XIRP2: variants seen among roughly 807,000 people sequenced by gnomAD.
XIRP2 encodes the protein xin actin-binding repeat-containing protein 2.
XIRP2 carries 236 observed loss-of-function variants against 277.0 expected under a neutral mutation model. The ratio of observed to expected loss-of-function variants is 0.85; its 90% CI spans 0.77 to 0.95. The LOEUF is 0.95. Among genes scored for constraint, XIRP2 ranks in the 40% least tolerant of loss-of-function variants. The probability of loss-of-function intolerance (pLI) is 0.00; values close to 1 mark genes in which losing one functional copy is unlikely to be tolerated. For missense variants in XIRP2, 4,640 were observed against 4,157.5 expected (o/e 1.12, Z -3.19); for synonymous variants, 1,490 against 1,416.5 (o/e 1.05, Z -1.17).
At position 167,245,197 on chromosome 2, in the gene XIRP2, G is replaced by A. The variant is rs1186750438; in HGVS notation, c.3805G>A (p.Gly1269Ser). The change falls in exon 9 of 11, where the codon GGT (glycine) becomes AGT (serine). Residue 1269 changes from glycine to serine, a missense_variant. Physicochemically the swap from Gly to Ser is moderately conservative, Grantham distance 56. Transcript: ENST00000409195. ...TGTTAAGACGGTGACAGACATACAA[G>A]GTGGGGATGTAAGAAAGGGGTGCTT... ...ECVKTVTDIQGGDVRKGCFIF... is the reference protein window; with the variant it reads ...ECVKTVTDIQSGDVRKGCFIF... The A allele has an allele frequency of 6.2e-7, 1 of 1,613,734 alleles. No homozygotes were observed. Among genetic ancestry groups the A allele is most frequent in the Non-Finnish European group, 8.5e-7 (1 of 1,179,742 alleles).
At chr2:167,085,802 T>C (rs1689923264) in intron 2 of XIRP2, among the ~76,000 whole-genome samples, 1 of 152,194 alleles carries the variant, frequency 6.6e-6, no homozygotes, top group Non-Finnish European at 1.5e-5. Context: ...TTGGTAGATC[T>C]TCCTCCATCC....
intron 3 of XIRP2, among the ~76,000 whole-genome samples, chr2:167,152,442 T>A (rs1178572685): frequency 6.6e-6 from 1 of 151,984 alleles, no homozygotes; most frequent in African/African-American, 2.4e-5. Context: ...GTTCAACAAT[T>A]CTTTGAGTCC....
intron 2 of XIRP2, among the ~76,000 whole-genome samples, chr2:166,948,616 C>A (rs1685945581): frequency 6.6e-6 from 1 of 151,990 alleles, no homozygotes; most frequent in South Asian, 2.1e-4. Flanking sequence ...TAAGCAGTTG[C>A]CTGTGTCTGT....
intron 2 of XIRP2, among the ~76,000 whole-genome samples, chr2:167,112,323 T>C (rs1017181818): frequency 6.6e-6 from 1 of 151,984 alleles, no homozygotes; most frequent in Non-Finnish European, 1.5e-5. Flanking sequence ...CTTAACACTT[T>C]CTTAGTTGTG....
intron 2 of XIRP2, among the ~76,000 whole-genome samples, chr2:166,951,876 G>T (rs1490968930): frequency 3.3e-5 from 5 of 152,054 alleles, no homozygotes; most frequent in Non-Finnish European, 7.4e-5. Flanking sequence ...CTATCCTATT[G>T]CCTGCTACTT....
At chr2:167,067,536 A>G (rs182256948) in intron 2 of XIRP2, among the ~76,000 whole-genome samples, 4 of 152,278 alleles carry the variant, frequency 2.6e-5, no homozygotes, top group African/African-American at 9.6e-5. Context: ...ACATAATTTG[A>G]TGGTTTCCCA....
chr2:167,130,290 C>T (rs1691336770), intron 2 of XIRP2, among the ~76,000 whole-genome samples: 1 of 152,158 alleles, frequency 6.6e-6, no homozygotes, highest in East Asian at 1.9e-4. Context: ...CCACCAACCA[C>T]CAACCATCAT....
At chr2:167,123,095 C>T (rs925763705) in intron 2 of XIRP2, among the ~76,000 whole-genome samples, 1 of 152,052 alleles carries the variant, frequency 6.6e-6, no homozygotes, top group African/African-American at 2.4e-5. Flanking sequence ...TCATTTTGAT[C>T]GGGGATTATA....
Position 167,243,547 on chromosome 2 carries a change from A to C in XIRP2, c.2155A>C (p.Arg719=), listed in dbSNP as rs768245433. ...GGATGAGGTTCATTTACTGCAGCTT[A>C]GGTCTGAGCTCAAAGAAATTAAGGG... is the stretch of plus-strand genomic sequence containing the variant. The part of the protein sequence containing the change: ...SVDEVHLLQL[R]SELKEIKGNV... The change falls in exon 9 of 11, where the codon AGG becomes CGG. Residue 719 remains arginine, a synonymous_variant. Coordinates refer to ENST00000409195, the MANE Select transcript of XIRP2 (RefSeq NM_152381.6). 3 of 1,614,026 alleles carry C rather than the reference A, an allele frequency of 1.9e-6. No homozygotes were observed. In the South Asian group the frequency reaches 3.3e-5, roughly 18 times the overall value.
At chr2:166,933,423 A>G (rs6721945) in intron 2 of XIRP2, among the ~76,000 whole-genome samples, 33,609 of 151,982 alleles carry the variant, frequency 0.22, 4,479 homozygotes, top group Non-Finnish European at 0.3. Context: ...TGCTGGGATT[A>G]TAGGCATGAG....
chr2:166,975,337 G>A (rs74573838), intron 2 of XIRP2, among the ~76,000 whole-genome samples: 4,579 of 152,144 alleles, frequency 0.03, 98 homozygotes, highest in East Asian at 0.079. Flanking sequence ...AAACAAGTAC[G>A]GAATAATCAT....
At chr2:166,907,581 G>C (rs897944405) in intron 2 of XIRP2, among the ~76,000 whole-genome samples, 2 of 151,708 alleles carry the variant, frequency 1.3e-5, no homozygotes. Flanking sequence ...TCCTCAGGTA[G>C]GTTACCCAGA....
intron 2 of XIRP2, among the ~76,000 whole-genome samples, chr2:167,128,818 A>G (rs935874980): frequency 1.3e-5 from 2 of 152,148 alleles, no homozygotes; most frequent in African/African-American, 4.8e-5. Flanking sequence ...CACTTGATGT[A>G]TCTTTCCCTG....
intron 3 of XIRP2, among the ~76,000 whole-genome samples, chr2:167,152,828 G>T (rs1369204482): frequency 6.6e-6 from 1 of 152,108 alleles, no homozygotes; most frequent in Admixed American, 6.6e-5. Context: ...ACTGTGAGAA[G>T]CACAAGATTC....
chr2:167,098,738 C>A (rs899713595), intron 2 of XIRP2, among the ~76,000 whole-genome samples: 1 of 152,140 alleles, frequency 6.6e-6, no homozygotes, highest in Non-Finnish European at 1.5e-5. Context: ...TGTAGTCATT[C>A]TTTTTGTTGG....
intron 2 of XIRP2, among the ~76,000 whole-genome samples, chr2:167,037,645 C>T (rs140883371): frequency 6.6e-6 from 1 of 151,578 alleles, no homozygotes; most frequent in South Asian, 2.1e-4. Flanking sequence ...CCCTGAGACC[C>T]TCAGGCTAGG....
At chr2:166,940,777 A>G (rs962147746) in intron 2 of XIRP2, among the ~76,000 whole-genome samples, 1 of 152,190 alleles carries the variant, frequency 6.6e-6, no homozygotes, top group Non-Finnish European at 1.5e-5. Context: ...GCTGAACAGC[A>G]AATGTTGCTG....
rs565256271 is a variant in XIRP2, at chr2:166,943,124, A to G, written c.408+39234A>G. On this transcript the variant is annotated intron_variant, in intron 2 of 10. Coordinates refer to ENST00000409195, the MANE Select transcript of XIRP2 (RefSeq NM_152381.6). ...AAACTTTGTTTCTTTTGTTATTCAC[A>G]ATAAAAACATTTTCTCTTTAGGATT... is the stretch of plus-strand genomic sequence containing the variant. Among the ~76,000 whole-genome samples the G allele has an allele frequency of 4.6e-5, 7 of 152,274 alleles. 1 individual carries two copies. The highest frequency in any genetic ancestry group is 1.7e-4 in the African/African-American group (7 of 41,574).
chr2:167,164,318 C>A (rs868312019), intron 3 of XIRP2, among the ~76,000 whole-genome samples: 29 of 151,800 alleles, frequency 1.9e-4, no homozygotes, highest in African/African-American at 7.0e-4. Flanking sequence ...TGTTAGCCGG[C>A]GCCTGTAGTC....
Sources: gnomAD v4.1 joint callset for allele counts (sites outside exome capture counted in the v4.1 genomes callset) on GRCh38, gnomAD v4.1.1 for gene constraint, MANE v1.5 for transcripts, NCBI Gene and HGNC (gene_info 2026-07-23, HGNC 2026-07-21) for gene names.